RAPH1: variants seen among roughly 807,000 people sequenced by gnomAD.
RAPH1 encodes the protein Ras association (RalGDS/AF-6) and pleckstrin homology domains 1, also known as ras-associated and pleckstrin homology domains-containing protein 1.
RAPH1 carries 18 observed loss-of-function variants against 88.1 expected under a neutral mutation model. The observed-to-expected ratio is 0.20, with a 90% CI of 0.14 to 0.30. RAPH1 has a LOEUF of 0.30. Ranked by LOEUF, RAPH1 falls within the 10% of genes least tolerant of loss-of-function variation. RAPH1 has a pLI of 1.00. For synonymous variants in RAPH1, 587 were observed against 559.0 expected, an observed-to-expected ratio of 1.05 and a Z score of -0.71; for missense variants, 1,448 against 1,543.2, an observed-to-expected ratio of 0.94 and a Z score of 1.03.
intron 4 of RAPH1, chr2:203,477,017 G>A: frequency 8.7e-7 from 1 of 1,153,820 alleles, no homozygotes; most frequent in East Asian, 2.4e-5. Flanking sequence ...ATCATTTGGA[G>A]GTCTAATGAA....
chr2:203,532,329 GTGA>G (rs1690425808), intron 1 of RAPH1, among the ~76,000 whole-genome samples: 1 of 152,174 alleles, frequency 6.6e-6, no homozygotes, highest in Non-Finnish European at 1.5e-5. Flanking sequence ...GGAGATGGTG[GTGA>G]TGATGGCACA....
chr2:203,498,525 C>T (rs1174327803), intron 1 of RAPH1, among the ~76,000 whole-genome samples: 3 of 152,112 alleles, frequency 2.0e-5, no homozygotes, highest in South Asian at 2.1e-4. Context: ...TGGCAAGCTC[C>T]GTTCTTGGAG....
At chr2:203,506,005 C>T (rs1264119593) in intron 1 of RAPH1, among the ~76,000 whole-genome samples, 3 of 152,146 alleles carry the variant, frequency 2.0e-5, no homozygotes, top group East Asian at 1.9e-4. Context: ...TTAGAGAAAA[C>T]GGTCTTGAAA....
intron 1 of RAPH1, among the ~76,000 whole-genome samples, chr2:203,530,088 T>C (rs1347036371): frequency 2.6e-5 from 4 of 152,222 alleles, no homozygotes; most frequent in South Asian, 2.1e-4. Flanking sequence ...CAAATACATA[T>C]ATACTTTTCA....
At chr2:203,516,567 G>T (rs1177843584) in intron 1 of RAPH1, among the ~76,000 whole-genome samples, 1 of 152,048 alleles carries the variant, frequency 6.6e-6, no homozygotes, top group Admixed American at 6.6e-5. Context: ...TGGCCAACAT[G>T]GTGAAACCCC....
At chr2:203,528,022 G>C (rs561478050) in intron 1 of RAPH1, among the ~76,000 whole-genome samples, 14 of 152,008 alleles carry the variant, frequency 9.2e-5, no homozygotes, top group African/African-American at 3.4e-4. Context: ...GTACCAAACA[G>C]GTTTGTCTCA....
At chr2:203,490,261 T>C (rs1178899023) in intron 3 of RAPH1, among the ~76,000 whole-genome samples, 172 bp from the exon 4 acceptor site, 1 of 152,226 alleles carries the variant, frequency 6.6e-6, no homozygotes, top group Non-Finnish European at 1.5e-5. Flanking sequence ...AAGTACACAG[T>C]CCTCCTCTTT....
chr2:203,438,523 C>G lies in RAPH1; in HGVS notation c.*914G>C, dbSNP rs2153632261. The stretch of plus-strand genomic sequence containing the variant: ...AAAGACATACTGGGACAGAACATTA[C>G]AGAGATAACTGTGTTATCCATCCTC... On this transcript the variant is annotated 3_prime_UTR_variant, in exon 14 of 14. Transcript: ENST00000319170. The G allele has an allele frequency of 4.9e-6, 1 of 203,604 alleles. No homozygotes were observed. Among genetic ancestry groups the G allele is most frequent in the South Asian group, 8.3e-5 (1 of 12,046 alleles). The allele number at this position is 203,604 out of a possible 1,614,324, so 12.6% of individuals were successfully genotyped here.
intron 4 of RAPH1, among the ~76,000 whole-genome samples, chr2:203,467,338 C>G (rs2098529320): frequency 6.6e-6 from 1 of 152,116 alleles, no homozygotes; most frequent in Non-Finnish European, 1.5e-5. Context: ...CGCCTATAAT[C>G]CCAGCACTTT....
chr2:203,450,258 A>G (rs966932393), intron 10 of RAPH1, among the ~76,000 whole-genome samples: 4 of 152,170 alleles, frequency 2.6e-5, no homozygotes, highest in Admixed American at 2.0e-4. Flanking sequence ...GAAACCCATT[A>G]ATTCTATTCT....
At chr2:203,507,061 T>C (rs939796983) in intron 1 of RAPH1, among the ~76,000 whole-genome samples, 2 of 150,348 alleles carry the variant, frequency 1.3e-5, no homozygotes, top group African/African-American at 4.9e-5. Context: ...CACACCCGGC[T>C]AATTTTTTTA....
At chr2:203,481,132 A>G (rs1193746692) in intron 4 of RAPH1, among the ~76,000 whole-genome samples, 2 of 152,162 alleles carry the variant, frequency 1.3e-5, no homozygotes, top group East Asian at 1.9e-4. Context: ...TATTACATAC[A>G]TCTCTTTGCC....
At position 203,441,043 on chromosome 2, in the gene RAPH1, G is replaced by T; in HGVS notation, c.2147C>A (p.Pro716His). ...NGVVPPPPPP[P>H]PPPTPGSAMA... ...GGCAGAGCCTGGGGTTGGGGGTGGA[G>T]GAGGGGGAGGGGGTGGTGGAACAAC... Residue 716 changes from proline (P) to histidine (H), a missense_variant, in exon 14 of 14, where the codon CCT (proline) becomes CAT (histidine). Physicochemically the swap from Pro to His is moderately conservative, Grantham distance 77 (BLOSUM62 -2). Transcript: ENST00000319170. The T allele has an allele frequency of 7.1e-7, 1 of 1,409,740 alleles. No homozygotes were observed. Among genetic ancestry groups the T allele is most frequent in the Non-Finnish European group, 9.6e-7 (1 of 1,039,562 alleles). The allele number at this position is 1,409,740 out of a possible 1,614,324, so 87.3% of individuals were successfully genotyped here.
intron 13 of RAPH1, chr2:203,442,533 T>C (rs999806716): frequency 6.5e-6 from 1 of 152,916 alleles, no homozygotes; most frequent in African/African-American, 2.4e-5. Flanking sequence ...ACAAAAAGAT[T>C]AGTCTGTGAG....
intron 10 of RAPH1, among the ~76,000 whole-genome samples, chr2:203,452,575 C>T (rs2098515816): frequency 1.3e-5 from 2 of 152,112 alleles, no homozygotes; most frequent in Admixed American, 1.3e-4. Context: ...TTTGTGTGCC[C>T]AGCTAGGACC....
chr2:203,441,648 C>A, intron 13 of RAPH1: 3 of 1,328,228 alleles, frequency 2.3e-6, no homozygotes, highest in East Asian at 3.1e-5. Flanking sequence ...AATAGCTAGA[C>A]CATCTAACAA....
intron 4 of RAPH1, among the ~76,000 whole-genome samples, chr2:203,487,530 G>A (rs545444626): frequency 4.8e-4 from 73 of 152,112 alleles, no homozygotes; most frequent in African/African-American, 1.7e-3. Context: ...ACAGGCATGC[G>A]CCACCACATC....
In RAPH1 at chr2:203,490,008, A is replaced by G. The variant is rs1688184304; in HGVS notation, c.308T>C (p.Ile103Thr). 6.2e-7 allele frequency: 1 copy of G among 1,614,238 alleles called. No individual in the cohort carries two copies. Among genetic ancestry groups the G allele is most frequent in the South Asian group, 1.1e-5 (1 of 91,084 alleles). ...TTGACGCTTACTGTTTCCTGAACCA[A>G]TGCTGCTGAGCTCCTGCTCTATAGA... is the stretch of plus-strand genomic sequence containing the variant. ...LCSIEQELSS[I>T]GSGNSKRQIT... Residue 103 changes from isoleucine (I) to threonine (T), a missense_variant, in exon 4 of 14, where the codon ATT (isoleucine) becomes ACT (threonine). Ile to Thr is a moderately conservative substitution (Grantham distance 89). This residue lies in a region of RAPH1 where 513 missense variants were observed against 653.1 expected (regional missense o/e 0.79). Coordinates refer to ENST00000319170, the MANE Select transcript of RAPH1 (RefSeq NM_213589.3).
At chr2:203,446,348 G>A (rs1559449075) in intron 12 of RAPH1, 1 of 152,150 alleles carries the variant, frequency 6.6e-6, no homozygotes, top group Non-Finnish European at 1.5e-5. Flanking sequence ...CTATGTCAAA[G>A]GTCCCTATAA....
Sources: allele counts gnomAD v4.1 joint callset (sites outside exome capture counted in the v4.1 genomes callset), GRCh38; gene constraint gnomAD v4.1.1; regional missense constraint gnomAD v4.1.1; transcripts MANE v1.5; gene names NCBI Gene and HGNC (gene_info 2026-07-23, HGNC 2026-07-21).